Variants in PDE4A observed in about 807,000 individuals in gnomAD.
PDE4A encodes 3',5'-cyclic-AMP phosphodiesterase 4A.
In PDE4A, 21 loss-of-function variants were observed where a neutral mutation model predicts 73.9. The observed-to-expected ratio is 0.28, with a 90% confidence interval of 0.20 to 0.41. The LOEUF is 0.41. Ranked by LOEUF, PDE4A falls within the 10% of genes least tolerant of loss-of-function variation. PDE4A has a pLI of 1.00. For missense variants in PDE4A, 958 were observed against 1,211.4 expected (o/e 0.79, Z 3.10); for synonymous variants, 463 against 505.4 (o/e 0.92, Z 1.13).
intron 14 of PDE4A, among the ~76,000 whole-genome samples, chr19:10,464,952 C>A (rs1338479478): frequency 6.6e-6 from 1 of 151,172 alleles, no homozygotes; most frequent in African/African-American, 2.4e-5. Flanking sequence ...CCTGGGCTCA[C>A]TCAGTCTGCC....
intron 14 of PDE4A, chr19:10,464,565 C>T (rs544728433): frequency 2.7e-5 from 10 of 376,402 alleles, no homozygotes; most frequent in Non-Finnish European, 5.2e-5. Context: ...TACAGGTGCA[C>T]ACCACCACAC....
At chr19:10,417,967 C>T, upstream of PDE4A, 1 of 1,344,144 alleles carries the variant, frequency 7.4e-7, no homozygotes, top group Non-Finnish European at 1.0e-6. Flanking sequence ...TGCTCCCTGC[C>T]GTTTGCAAAA....
chr19:10,435,433 C>T (rs943972705), intron 1 of PDE4A, among the ~76,000 whole-genome samples: 8 of 151,470 alleles, frequency 5.3e-5, no homozygotes, highest in Admixed American at 2.0e-4. Context: ...TGGTGGTGTG[C>T]GCCTGTGGTT....
intron 1 of PDE4A, chr19:10,430,893 G>A: frequency 1.3e-6 from 2 of 1,487,224 alleles, no homozygotes; most frequent in Non-Finnish European, 1.8e-6. Context: ...GCAACTGGTG[G>A]CCTTCCCGGT....
chr19:10,442,763 A>G (rs2145510606), intron 1 of PDE4A, among the ~76,000 whole-genome samples: 1 of 149,040 alleles, frequency 6.7e-6, no homozygotes, highest in Admixed American at 6.7e-5. Context: ...ATTACATATT[A>G]CCATATTACT....
In PDE4A at chr19:10,453,109, G is replaced by A. The variant is rs1158203307; in HGVS notation, c.784-1720G>A. Reference sequence around the variant, plus strand: ...GCTGCTGGGAGCGCGGAGGGGAAGGGAGCCCCCAGCCCTGCTGGGCCGGCC... The same window carrying A: ...GCTGCTGGGAGCGCGGAGGGGAAGGAAGCCCCCAGCCCTGCTGGGCCGGCC... On this transcript the variant is annotated intron_variant, in intron 6 of 14. Coordinates refer to ENST00000380702, the MANE Select transcript of PDE4A (RefSeq NM_001111307.2). The surrounding 1 kb of genome is among the most constrained non-coding windows in gnomAD (Gnocchi z 4.6). The A allele has an allele frequency of 5.2e-6, 7 of 1,357,010 alleles. No homozygotes were observed. Among genetic ancestry groups the A allele is most frequent in the Non-Finnish European group, 6.6e-6 (7 of 1,056,662 alleles). The allele number at this position is 1,357,010 out of a possible 1,614,324, so 84.1% of individuals were successfully genotyped here.
upstream of PDE4A, chr19:10,418,756 C>T: frequency 3.0e-6 from 3 of 985,326 alleles, no homozygotes; most frequent in Non-Finnish European, 3.6e-6. Context: ...TCACATTACG[C>T]ACTCCCACCC....
upstream of PDE4A, chr19:10,416,849 C>T (rs2042592329): frequency 2.6e-6 from 4 of 1,533,156 alleles, no homozygotes; most frequent in South Asian, 3.6e-5. Context: ...AGCCCTGGGG[C>T]ACTGATGGCA....
chr19:10,417,430 G>C, upstream of PDE4A: 2 of 984,856 alleles, frequency 2.0e-6, no homozygotes, highest in Non-Finnish European at 2.4e-6. Flanking sequence ...CCAAGGCTGG[G>C]GCATCGAGAG....
intron 1 of PDE4A, among the ~76,000 whole-genome samples, chr19:10,436,322 G>A (rs1440858677): frequency 1.3e-5 from 2 of 152,162 alleles, no homozygotes; most frequent in Non-Finnish European, 2.9e-5. Flanking sequence ...TTGGGAGGCC[G>A]AGGCAGGTGG....
At chr19:10,449,198 A>G (rs756318774) in intron 4 of PDE4A, 48 bp downstream of exon 4, 4 of 1,590,776 alleles carry the variant, frequency 2.5e-6, no homozygotes, top group Non-Finnish European at 3.4e-6. Flanking sequence ...GGTGAAGCAT[A>G]TGCGGGTTCT....
In PDE4A at chr19:10,448,374, C is replaced by A. The variant is rs192163568; in HGVS notation, c.513-543C>A. ...TAAAAAGGTCAGGCACGGTGGCTCA[C>A]GCCTATAATCCCAGCACTTTGAGAG... On this transcript the variant is annotated intron_variant, in intron 2 of 14. Coordinates refer to ENST00000380702, the MANE Select transcript of PDE4A (RefSeq NM_001111307.2). Among the ~76,000 whole-genome samples the A allele has an allele frequency of 1.4e-3, 208 of 152,100 alleles. 4 individuals are homozygous for A. The highest frequency in any genetic ancestry group is 0.013 in the Admixed American group (204 of 15,272).
At chr19:10,434,942 A>G (rs1431201968) in intron 1 of PDE4A, among the ~76,000 whole-genome samples, 1 of 131,890 alleles carries the variant, frequency 7.6e-6, no homozygotes, top group Non-Finnish European at 1.5e-5. Context: ...CCAGGCTGGG[A>G]TGCAGTGGTA....
At chr19:10,456,208 T>C (rs2043167717) in intron 7 of PDE4A, among the ~76,000 whole-genome samples, 1 of 150,752 alleles carries the variant, frequency 6.6e-6, no homozygotes, top group African/African-American at 2.4e-5. Flanking sequence ...CTGGGCAACA[T>C]AGTGAGAATC....
intron 1 of PDE4A, among the ~76,000 whole-genome samples, chr19:10,435,482 G>A (rs774634181): frequency 4.0e-5 from 6 of 151,876 alleles, no homozygotes; most frequent in Non-Finnish European, 5.9e-5. Flanking sequence ...GATCGCTTGA[G>A]CCTGGGAGGC....
At position 10,454,873 on chromosome 19, in the gene PDE4A, G is replaced by T; in HGVS notation, c.828G>T (p.Met276Ile). 1 of 1,614,138 alleles carries T rather than the reference G, an allele frequency of 6.2e-7. No individual in the cohort carries two copies. The highest frequency in any genetic ancestry group is 1.1e-5 in the South Asian group (1 of 91,068). The change falls in exon 7 of 15, where the codon ATG becomes ATT. Residue 276 changes from methionine (M) to isoleucine (I), a missense_variant. This residue lies in a region of PDE4A where 570 missense variants were observed against 827.7 expected (regional missense o/e 0.69). Transcript: ENST00000380702. ...GTGAGCTCACACACCTGTCAGAAAT[G>T]AGCAGGTCCGGAAACCAGGTCTCAG... Reference protein sequence around the residue: ...LNRELTHLSEMSRSGNQVSEY... With the variant: ...LNRELTHLSEISRSGNQVSEY...
rs2042638409 is a variant in PDE4A, at chr19:10,420,732, G to C, written c.-33G>C. 4.0e-6 allele frequency: 6 copies of C among 1,502,676 alleles called. No individual in the cohort carries two copies. The highest frequency in any genetic ancestry group is 5.3e-6 in the Non-Finnish European group (6 of 1,138,338). 93.1% of individuals were successfully genotyped at this position (1,502,676 alleles called of 1,614,324 possible). ...AGCGGGGTGTAGGTTGGAAGGGCCA[G>C]GGCCCCCTGGGGCGCAAGTGGGGGC... On this transcript the variant is annotated 5_prime_UTR_variant, in exon 1 of 15. Transcript: ENST00000380702. The surrounding 1 kb of genome is among the most constrained non-coding windows in gnomAD (Gnocchi z 6.0).
chr19:10,422,078 G>T (rs1212213118), intron 1 of PDE4A, among the ~76,000 whole-genome samples: 1 of 152,158 alleles, frequency 6.6e-6, no homozygotes, highest in Non-Finnish European at 1.5e-5. Flanking sequence ...CTGTCACAGG[G>T]TGACTGTGGC....
chr19:10,454,196 C>G (rs1474069187), intron 6 of PDE4A, among the ~76,000 whole-genome samples: 1 of 152,110 alleles, frequency 6.6e-6, no homozygotes, highest in Admixed American at 6.5e-5. Flanking sequence ...CCCCCCTCCC[C>G]CTCCCCTGGG....
Sources: gnomAD v4.1 joint callset for allele counts (sites outside exome capture counted in the v4.1 genomes callset) on GRCh38, gnomAD v4.1.1 for gene constraint, gnomAD v4.1.1 regional missense constraint, Gnocchi (gnomAD v3.1) non-coding constraint, MANE v1.5 for transcripts, NCBI Gene and HGNC (gene_info 2026-07-23, HGNC 2026-07-21) for gene names.